SLC22A4: variants seen among roughly 807,000 people sequenced by gnomAD.
SLC22A4 encodes the protein ET transporter.
SLC22A4 carries 39 observed loss-of-function variants against 56.6 expected under a neutral mutation model. The ratio of observed to expected loss-of-function variants is 0.69; its 90% CI spans 0.53 to 0.90. The LOEUF (loss-of-function observed/expected upper bound fraction) is 0.90, where lower values mean the gene tolerates loss of function less well. Among genes scored for constraint, SLC22A4 ranks in the 40% least tolerant of loss-of-function variants. The probability of loss-of-function intolerance (pLI) is 0.00; values close to 1 mark genes in which losing one functional copy is unlikely to be tolerated. For missense variants in SLC22A4, 594 were observed against 696.5 expected (o/e 0.85, Z 1.66); for synonymous variants, 241 against 281.4 (o/e 0.86, Z 1.44).
At chr5:132,300,598 A>G (rs916989316) in intron 1 of SLC22A4, among the ~76,000 whole-genome samples, 2 of 152,212 alleles carry the variant, frequency 1.3e-5, no homozygotes, top group African/African-American at 4.8e-5. Flanking sequence ...ATTTTATTTC[A>G]TCAGTTATAA....
intron 2 of SLC22A4, 102 bp downstream of exon 2, chr5:132,312,366 G>T: frequency 1.2e-6 from 1 of 829,424 alleles, no homozygotes; most frequent in Non-Finnish European, 2.1e-6. Context: ...CAGAGAAAGG[G>T]AGGACCCTCA....
chr5:132,339,807 T>C (rs1751150459), intron 8 of SLC22A4, among the ~76,000 whole-genome samples: 1 of 152,294 alleles, frequency 6.6e-6, no homozygotes, highest in Non-Finnish European at 1.5e-5. Flanking sequence ...ATAACAATAT[T>C]TTCCTTATGT....
intron 2 of SLC22A4, among the ~76,000 whole-genome samples, chr5:132,312,764 C>T (rs1416428303): frequency 6.6e-6 from 1 of 152,210 alleles, no homozygotes; most frequent in Non-Finnish European, 1.5e-5. Context: ...ATAGAGCTTA[C>T]AGGCCTGAGG....
At chr5:132,295,408 G>A (rs1749759229) in intron 1 of SLC22A4, 2 of 427,404 alleles carry the variant, frequency 4.7e-6, no homozygotes, top group Non-Finnish European at 9.3e-6. Flanking sequence ...GGCAGGGCGG[G>A]GCCAAATCTT....
At chr5:132,297,551 TTG>T (rs1187616581) in intron 1 of SLC22A4, among the ~76,000 whole-genome samples, 2 of 152,090 alleles carry the variant, frequency 1.3e-5, no homozygotes, top group South Asian at 4.1e-4. Flanking sequence ...CTCAGTTTCC[TTG>T]TCTATAAATT....
chr5:132,318,578 T>C (rs1750432343), intron 3 of SLC22A4, among the ~76,000 whole-genome samples: 1 of 152,072 alleles, frequency 6.6e-6, no homozygotes, highest in South Asian at 2.1e-4. Flanking sequence ...CTGTGTGGAA[T>C]GGGCCCAGCG....
chr5:132,342,121 T>C (rs1398723339), intron 9 of SLC22A4, among the ~76,000 whole-genome samples: 2 of 152,202 alleles, frequency 1.3e-5, no homozygotes, highest in African/African-American at 4.8e-5. Context: ...TATCTGATTG[T>C]ACATTTTTTA....
intron 4 of SLC22A4, among the ~76,000 whole-genome samples, chr5:132,326,216 T>G (rs545517262): frequency 1.1e-4 from 17 of 152,362 alleles, no homozygotes; most frequent in African/African-American, 4.1e-4. Context: ...CTCTGGAGCT[T>G]GCCTGCCCTG....
intron 1 of SLC22A4, among the ~76,000 whole-genome samples, chr5:132,307,806 G>A (rs1391287213): frequency 2.0e-5 from 3 of 151,996 alleles, no homozygotes; most frequent in East Asian, 1.9e-4. Flanking sequence ...ACCTTCCAGC[G>A]TTCTCAGTTC....
At chr5:132,302,738 C>T (rs1401786798) in intron 1 of SLC22A4, among the ~76,000 whole-genome samples, 3 of 152,204 alleles carry the variant, frequency 2.0e-5, no homozygotes, top group Non-Finnish European at 4.4e-5. Context: ...GTGGTGGATC[C>T]ATTGTCAGGA....
intron 1 of SLC22A4, among the ~76,000 whole-genome samples, chr5:132,307,081 T>C (rs958256415): frequency 6.6e-6 from 1 of 152,246 alleles, no homozygotes; most frequent in Non-Finnish European, 1.5e-5. Flanking sequence ...ATTTGTATAC[T>C]TTAAAAGAGT....
intron 1 of SLC22A4, among the ~76,000 whole-genome samples, chr5:132,309,056 G>C (rs1343579008): frequency 6.6e-6 from 1 of 152,236 alleles, no homozygotes; most frequent in Admixed American, 6.5e-5. Flanking sequence ...GGGAGGTTTT[G>C]TGGCCCTGGC....
At position 132,294,945 on chromosome 5, in the gene SLC22A4, A is replaced by G; in HGVS notation, c.329A>G (p.Gln110Arg). 6.2e-7 allele frequency: 1 copy of G among 1,604,382 alleles called. No homozygotes were observed. The highest frequency in any genetic ancestry group is 8.5e-7 in the Non-Finnish European group (1 of 1,176,100). Residue 110 changes from glutamine to arginine, a missense_variant, in exon 1 of 10, where the codon CAG becomes CGG. Physicochemically the swap from Gln to Arg is conservative, Grantham distance 43. Transcript: ENST00000200652. This position sits in a 1 kb window ranked among gnomAD's most constrained non-coding sequence, Gnocchi z 5.6. ...GACGTGGACCTGGGGCAGCTGGAGC[A>G]GGAGAGCTGCCTGGATGGCTGGGAG... is the stretch of plus-strand genomic sequence containing the variant. ...GRDVDLGQLE[Q>R]ESCLDGWEFS...
intron 8 of SLC22A4, among the ~76,000 whole-genome samples, chr5:132,339,475 T>TACACAC (rs58759726): frequency 0.38 from 56,021 of 146,514 alleles, 11,260 homozygotes; most frequent in Non-Finnish European, 0.46. Context: ...GGTACACACG[T>TACACAC]ACACACACAC....
chr5:132,320,929 T>TCCG (rs147280819), intron 3 of SLC22A4: 47 of 152,280 alleles, frequency 3.1e-4, no homozygotes, highest in African/African-American at 1.1e-3. Context: ...TGGTCACATC[T>TCCG]CCGCCCCAGG....
intron 1 of SLC22A4, among the ~76,000 whole-genome samples, chr5:132,305,513 G>A (rs13175394): frequency 0.073 from 11,100 of 152,204 alleles, 537 homozygotes; most frequent in East Asian, 0.27. Flanking sequence ...AATAAAAAAA[G>A]AGACAAAAAC....
Position 132,343,853 on chromosome 5 carries a change from T to G in SLC22A4, c.*18T>G. 6.6e-7 allele frequency: 1 copy of G among 1,518,642 alleles called. No homozygotes were observed. The allele number at this position is 1,518,642 out of a possible 1,614,324, so 94.1% of individuals were successfully genotyped here. On this transcript the variant is annotated 3_prime_UTR_variant, in exon 10 of 10. Transcript: ENST00000200652. ...CATTCTGAAAAAATATCTACCCCATTTGGTGAAGTGAAAAACAGAAAAATA... is the reference window on the plus strand; with the variant it reads ...CATTCTGAAAAAATATCTACCCCATGTGGTGAAGTGAAAAACAGAAAAATA...
At chr5:132,295,245 T>A (rs1168901655) in intron 1 of SLC22A4, 2 of 713,362 alleles carry the variant, frequency 2.8e-6, no homozygotes, top group Admixed American at 4.0e-5. Context: ...TGTCACCAAC[T>A]GTCTTTTCAT....
chr5:132,337,024 G>C (rs537808037), intron 8 of SLC22A4, among the ~76,000 whole-genome samples: 5 of 152,132 alleles, frequency 3.3e-5, no homozygotes, highest in African/African-American at 9.6e-5. Flanking sequence ...GTCATTTCCA[G>C]GTTTTTGCTA....
Sources: allele counts gnomAD v4.1 joint callset (sites outside exome capture counted in the v4.1 genomes callset), GRCh38; gene constraint gnomAD v4.1.1; non-coding constraint Gnocchi (gnomAD v3.1); transcripts MANE v1.5; gene names NCBI Gene and HGNC (gene_info 2026-07-23, HGNC 2026-07-21).